TNR: variants seen among roughly 807,000 people sequenced by gnomAD.
TNR encodes the protein tenascin R.
TNR carries 45 observed loss-of-function variants against 150.4 expected under a neutral mutation model. The ratio of observed to expected loss-of-function variants is 0.30; its 90% confidence interval spans 0.24 to 0.38. TNR has a LOEUF of 0.38. TNR is among the 10% of genes least tolerant of loss of function. The pLI is 1.00. For missense variants in TNR, 1,544 were observed against 1,759.1 expected (o/e 0.88, Z 2.19); for synonymous variants, 687 against 678.4 (o/e 1.01, Z -0.20).
At chr1:175,579,179 TC>T (rs1314090380) in intron 1 of TNR, among the ~76,000 whole-genome samples, 2 of 149,536 alleles carry the variant, frequency 1.3e-5, no homozygotes, top group East Asian at 2.0e-4. Flanking sequence ...CTTCCTTCCT[TC>T]CTTCCTTCCT....
At chr1:175,436,491 G>A (rs1655516222) in intron 2 of TNR, among the ~76,000 whole-genome samples, 1 of 152,040 alleles carries the variant, frequency 6.6e-6, no homozygotes, top group South Asian at 2.1e-4. Context: ...AGCTCCATCA[G>A]GTCCTTTAAG....
intron 1 of TNR, among the ~76,000 whole-genome samples, chr1:175,626,163 A>G (rs6688003): frequency 0.28 from 42,758 of 151,994 alleles, 7,100 homozygotes; most frequent in East Asian, 0.5. Flanking sequence ...GCCATGTGGA[A>G]CTGTAAGTCC....
chr1:175,401,393 T>C (rs917290254), intron 4 of TNR, among the ~76,000 whole-genome samples: 3 of 152,134 alleles, frequency 2.0e-5, no homozygotes, highest in African/African-American at 7.2e-5. Context: ...GGATGGAAAC[T>C]GGAGCCATTT....
intron 1 of TNR, among the ~76,000 whole-genome samples, chr1:175,735,896 G>T (rs1571804409): frequency 2.0e-5 from 3 of 152,250 alleles, no homozygotes; most frequent in South Asian, 4.2e-4. Context: ...AATTAATTGG[G>T]AAGAGGCATC....
At chr1:175,677,637 GAGA>G (rs1187739386) in intron 1 of TNR, among the ~76,000 whole-genome samples, 3 of 152,180 alleles carry the variant, frequency 2.0e-5, no homozygotes, top group Non-Finnish European at 4.4e-5. Flanking sequence ...AGGCAGGGAG[GAGA>G]AGAAGATGGA....
In TNR at chr1:175,633,064, C is replaced by T. The variant is rs565320859; in HGVS notation, c.-164-104695G>A. Among the ~76,000 whole-genome samples the T allele has an allele frequency of 1.3e-4, 20 of 152,302 alleles. No homozygotes were observed. In the South Asian group the frequency reaches 2.7e-3, roughly 21 times the overall value. Reference sequence around the variant, plus strand: ...TCCCCTCTATCTGGAATACCCACCCCCTCTTCCCTGCTTTACAACTATTTA... The same window carrying T: ...TCCCCTCTATCTGGAATACCCACCCTCTCTTCCCTGCTTTACAACTATTTA... On this transcript the variant is annotated intron_variant, in intron 1 of 22. Transcript: ENST00000367674.
In TNR at chr1:175,406,667, G is replaced by A. The variant is rs142523357; in HGVS notation, c.48C>T (p.Gly16=). 106 of 1,614,182 alleles carry A rather than the reference G, an allele frequency of 6.6e-5. No individual in the cohort carries two copies. The African/African-American group carries it at 1.1e-3, about 17-fold the overall frequency. Residue 16 remains glycine (G), a synonymous_variant, in exon 3 of 23, where the codon GGC becomes GGT. Transcript: ENST00000367674. ...ETVVLKNMLI[G]INLILLGSMI... ...TGGAGCCCAGAAGGATCAGGTTGAT[G>A]CCAATGAGCATGTTCTTCAGAACCA...
intron 2 of TNR, among the ~76,000 whole-genome samples, chr1:175,495,015 T>C (rs1226743478): frequency 1.3e-5 from 2 of 152,192 alleles, no homozygotes; most frequent in Non-Finnish European, 2.9e-5. Context: ...TCACACACTG[T>C]CTTCAGCGTT....
chr1:175,345,257 C>T (rs1207162224), intron 18 of TNR, among the ~76,000 whole-genome samples: 6 of 152,170 alleles, frequency 3.9e-5, no homozygotes, highest in Non-Finnish European at 2.9e-5. Context: ...CACTGCCAAT[C>T]CTTCACATGT....
intron 20 of TNR, chr1:175,333,468 C>T (rs1650051877): frequency 6.6e-6 from 1 of 152,182 alleles, no homozygotes; most frequent in African/African-American, 2.4e-5. Flanking sequence ...GAATATTTTT[C>T]AATTTGTTTG....
At chr1:175,632,643 A>C (rs1664360367) in intron 1 of TNR, among the ~76,000 whole-genome samples, 1 of 152,218 alleles carries the variant, frequency 6.6e-6, no homozygotes, top group African/African-American at 2.4e-5. Flanking sequence ...AAACAAAATA[A>C]CATTAATATC....
rs61731114 is a variant in TNR at position 175,337,622 on chromosome 1, G to A, written c.3440C>T (p.Thr1147Ile). Residue 1147 changes from threonine to isoleucine, a missense_variant, in exon 19 of 23, where the codon ACT becomes ATT. This residue lies in a region of TNR where 290 missense variants were observed against 429.7 expected (regional missense o/e 0.67). Coordinates refer to ENST00000367674, the MANE Select transcript of TNR (RefSeq NM_003285.3). Reference sequence around the variant, plus strand: ...GAAGATGGGGTAAACCCCACTCAAAGTGTCTCCATTCATCAAATGCTGGGC... The same window carrying A: ...GAAGATGGGGTAAACCCCACTCAAAATGTCTCCATTCATCAAATGCTGGGC... ...DCAQHLMNGD[T>I]LSGVYPIFLN... 2.0e-3 allele frequency: 3,232 copies of A among 1,614,204 alleles called. 46 individuals are homozygous for A. The African/African-American group carries it at 0.034, about 17-fold the overall frequency.
chr1:175,470,041 T>G (rs369859865), intron 2 of TNR, among the ~76,000 whole-genome samples: 7 of 152,256 alleles, frequency 4.6e-5, no homozygotes, highest in African/African-American at 1.7e-4. Flanking sequence ...CTAACTGGCA[T>G]GGTTGGTATA....
Position 175,406,553 on chromosome 1 carries a change from G to A in TNR, c.162C>T (p.Tyr54=), listed in dbSNP as rs778763734. Residue 54 remains tyrosine, a synonymous_variant, in exon 3 of 23, where the codon TAC becomes TAT. Coordinates refer to ENST00000367674, the MANE Select transcript of TNR (RefSeq NM_003285.3). ...CAGGCTGCTCTTTGCTGGATGTGTT[G>A]TAGTTGGCAATGCCTCCCTCCTCCT... ...SVEEEGGIAN[Y]NTSSKEQPVV... is the part of the protein sequence containing the mutation. The A allele has an allele frequency of 2.5e-6, 4 of 1,614,084 alleles. No homozygotes were observed. The highest frequency in any genetic ancestry group is 3.4e-6 in the Non-Finnish European group (4 of 1,180,040).
chr1:175,365,346 T>C, intron 11 of TNR, 67 bp from the exon 12 acceptor site: 3 of 1,512,358 alleles, frequency 2.0e-6, no homozygotes, highest in Non-Finnish European at 2.7e-6. Flanking sequence ...CTAGAAGAAC[T>C]TCTTGGCTAA....
At chr1:175,725,937 A>G (rs1181321150) in intron 1 of TNR, among the ~76,000 whole-genome samples, 1 of 152,178 alleles carries the variant, frequency 6.6e-6, no homozygotes, top group Non-Finnish European at 1.5e-5. Context: ...AGAATATGTC[A>G]TGGAAATGAA....
chr1:175,337,053 C>T (rs534697001), intron 19 of TNR, among the ~76,000 whole-genome samples: 34 of 152,202 alleles, frequency 2.2e-4, no homozygotes, highest in African/African-American at 6.0e-4. Context: ...CCACCATGAC[C>T]AGCTAATTTT....
At chr1:175,639,791 C>T (rs1401799125) in intron 1 of TNR, among the ~76,000 whole-genome samples, 2 of 152,300 alleles carry the variant, frequency 1.3e-5, no homozygotes, top group South Asian at 2.1e-4. Context: ...TTTGAATTTC[C>T]TCTTCCTTCA....
chr1:175,437,956 G>A (rs1445591513), intron 2 of TNR, among the ~76,000 whole-genome samples: 5 of 152,200 alleles, frequency 3.3e-5, no homozygotes, highest in African/African-American at 1.2e-4. Flanking sequence ...GGTACAAGGA[G>A]GAGCTGGTAC....
Sources: allele counts gnomAD v4.1 joint callset (sites outside exome capture counted in the v4.1 genomes callset), GRCh38; gene constraint gnomAD v4.1.1; regional missense constraint gnomAD v4.1.1; transcripts MANE v1.5; gene names NCBI Gene and HGNC (gene_info 2026-07-23, HGNC 2026-07-21).